ARHGEF26: variants seen among roughly 807,000 people sequenced by gnomAD.
The protein encoded by ARHGEF26 is Rho guanine nucleotide exchange factor 26.
In ARHGEF26, 59 loss-of-function variants were observed where a neutral mutation model predicts 89.4. That is an observed-to-expected ratio of 0.66 (90% CI 0.54 to 0.82). The LOEUF (loss-of-function observed/expected upper bound fraction) is 0.82. ARHGEF26 is among the 40% of genes least tolerant of loss of function. The pLI is 0.00. For missense variants in ARHGEF26, 1,234 were observed against 1,085.6 expected, an observed-to-expected ratio of 1.14 and a Z score of -1.92; for synonymous variants, 500 against 428.4, an observed-to-expected ratio of 1.17 and a Z score of -2.06.
rs1474721087 is a variant in ARHGEF26 at position 154,256,548 on chromosome 3, T to TAAAAAAA, written c.*1096_*1102dup. On this transcript the variant is annotated 3_prime_UTR_variant, in exon 15 of 15. Transcript: ENST00000465093. ...GTGCCCAGCCTACTTTCTAATTAAT[T>TAAAAAAA]AAAAAAAAAAAAAAAAAAAAAAAAA... 4.3e-5 allele frequency: 28 copies of TAAAAAAA among 651,758 alleles called. No individual in the cohort carries two copies. Among genetic ancestry groups the TAAAAAAA allele is most frequent in the Middle Eastern group, 8.3e-4 (1 of 1,208 alleles). The allele number at this position is 651,758 out of a possible 1,614,324, so 40.4% of individuals were successfully genotyped here. A position where few individuals can be genotyped will look rare whatever the true frequency, so the allele number is the denominator to read the frequency against.
chr3:154,245,544 C>T (rs1028211495), intron 12 of ARHGEF26, among the ~76,000 whole-genome samples: 1 of 152,138 alleles, frequency 6.6e-6, no homozygotes, highest in Non-Finnish European at 1.5e-5. Context: ...GGCCAGATGG[C>T]TCCTCTTAGG....
At chr3:154,184,082 C>T (rs1194211967) in intron 6 of ARHGEF26, among the ~76,000 whole-genome samples, 1 of 151,854 alleles carries the variant, frequency 6.6e-6, no homozygotes, top group East Asian at 1.9e-4. Context: ...ACGCCATTCT[C>T]CTGCCGCAGC....
intron 4 of ARHGEF26, among the ~76,000 whole-genome samples, chr3:154,130,147 A>ATTTTTTTTTTTTTTTTTTT (rs55816788): frequency 9.4e-6 from 1 of 105,970 alleles, no homozygotes; most frequent in African/African-American, 4.0e-5. Flanking sequence ...TTCCTTGGAA[A>ATTTTTTTTTTTTTTTTTTT]TTTTTTTTTT....
intron 4 of ARHGEF26, among the ~76,000 whole-genome samples, chr3:154,136,390 G>A (rs1719010913): frequency 6.6e-6 from 1 of 152,076 alleles, no homozygotes; most frequent in South Asian, 2.1e-4. Context: ...CTAGAATTCA[G>A]ACCTCAGTCT....
intron 6 of ARHGEF26, among the ~76,000 whole-genome samples, chr3:154,155,509 A>G (rs1720284624): frequency 6.6e-6 from 1 of 152,134 alleles, no homozygotes; most frequent in African/African-American, 2.4e-5. Context: ...TTATCTGAAA[A>G]AGTTAATACA....
chr3:154,226,897 G>A (rs1716529966), intron 11 of ARHGEF26, among the ~76,000 whole-genome samples: 1 of 152,086 alleles, frequency 6.6e-6, no homozygotes, highest in Admixed American at 6.5e-5. Flanking sequence ...GTGGTCCTGG[G>A]GTGCAATTTA....
rs1480861991 is a variant in ARHGEF26 at position 154,122,960 on chromosome 3, G to T, written c.968G>T (p.Ser323Ile). ...RSTSYRRAVV[S>I]GFDFDSPTSS... is the part of the protein sequence containing the mutation. ...ACGTCTTATCGCAGGGCAGTGGTCAGTGGCTTTGATTTTGACAGTCCTACC... is the reference window on the plus strand; with the variant it reads ...ACGTCTTATCGCAGGGCAGTGGTCATTGGCTTTGATTTTGACAGTCCTACC... Residue 323 changes from serine (S) to isoleucine (I), a missense_variant, in exon 2 of 15, where the codon AGT becomes ATT. Transcript: ENST00000465093. 1 of 1,613,692 alleles carries T rather than the reference G, an allele frequency of 6.2e-7. No homozygotes were observed. The highest frequency in any genetic ancestry group is 8.5e-7 in the Non-Finnish European group (1 of 1,179,854).
chr3:154,180,077 G>A (rs1236828373), intron 6 of ARHGEF26, among the ~76,000 whole-genome samples: 1 of 152,054 alleles, frequency 6.6e-6, no homozygotes, highest in Non-Finnish European at 1.5e-5. Context: ...AGCCTACTGT[G>A]TACCATCTTC....
intron 3 of ARHGEF26, 36 bp from the exon 4 acceptor site, chr3:154,129,537 GA>G: frequency 6.3e-7 from 1 of 1,594,774 alleles, no homozygotes; most frequent in Non-Finnish European, 8.5e-7. Context: ...TAATGATTGA[GA>G]ACAATTAGTG....
chr3:154,240,550 A>G lies in ARHGEF26; in HGVS notation c.2271A>G (p.Lys757=). Residue 757 remains lysine (K), a synonymous_variant, in exon 12 of 15, where the codon AAA becomes AAG. Transcript: ENST00000465093. ...TCCTTAGTAACCACGCGAATGAGAA[A>G]GTGGAGATGCTACTAGGAGCTGAGA... is the stretch of plus-strand genomic sequence containing the variant. The part of the protein sequence containing the change: ...LTVLSNHANE[K]VEMLLGAETQ... 6.2e-7 allele frequency: 1 copy of G among 1,612,332 alleles called. No homozygotes were observed. Among genetic ancestry groups the G allele is most frequent in the Non-Finnish European group, 8.5e-7 (1 of 1,179,124 alleles).
At chr3:154,218,806 C>T (rs1023898828) in intron 10 of ARHGEF26, among the ~76,000 whole-genome samples, 1 of 152,150 alleles carries the variant, frequency 6.6e-6, no homozygotes, top group African/African-American at 2.4e-5. Context: ...TTGAGGATCA[C>T]TGATATAGTC....
At chr3:154,142,868 T>G (rs147785629) in intron 4 of ARHGEF26, among the ~76,000 whole-genome samples, 144 of 152,350 alleles carry the variant, frequency 9.5e-4, no homozygotes, top group African/African-American at 3.2e-3. Flanking sequence ...TCACTCATTT[T>G]CAGCACTGCC....
At chr3:154,186,921 G>T (rs1437956903) in intron 6 of ARHGEF26, among the ~76,000 whole-genome samples, 1 of 95,820 alleles carries the variant, frequency 1.0e-5, no homozygotes, top group East Asian at 2.5e-4. Context: ...TTTTGAGACG[G>T]AGTCTCTGTC....
At chr3:154,185,104 G>A (rs1341257687) in intron 6 of ARHGEF26, among the ~76,000 whole-genome samples, 1 of 152,106 alleles carries the variant, frequency 6.6e-6, no homozygotes, top group Non-Finnish European at 1.5e-5. Context: ...GCCCTCTGGA[G>A]TTTTCTTTGT....
chr3:154,211,637 A>G (rs1253140563), intron 9 of ARHGEF26, among the ~76,000 whole-genome samples: 1 of 152,158 alleles, frequency 6.6e-6, no homozygotes, highest in African/African-American at 2.4e-5. Flanking sequence ...GTTCTTATGA[A>G]GGTGTTTTCT....
At chr3:154,197,679 T>A (rs77432015) in intron 9 of ARHGEF26, among the ~76,000 whole-genome samples, 1,634 of 152,270 alleles carry the variant, frequency 0.011, 25 homozygotes, top group African/African-American at 0.037. Flanking sequence ...ATTTCTTTAA[T>A]TTAGGGCCTT....
chr3:154,121,743 T>C (rs1046473553), intron 1 of ARHGEF26, among the ~76,000 whole-genome samples, 199 bp from the exon 2 acceptor site: 2 of 152,104 alleles, frequency 1.3e-5, no homozygotes. Flanking sequence ...ATTGGATTAA[T>C]CCGCCTGGGC....
In ARHGEF26 at chr3:154,130,147, A is replaced by ATTTTTTTTTTTTTT. The variant is rs55816788; in HGVS notation, c.1269+432_1269+445dup. 1.3e-4 allele frequency among the ~76,000 whole-genome samples: 14 copies of ATTTTTTTTTTTTTT among 105,934 alleles called. 1 individual carries two copies. Among genetic ancestry groups the ATTTTTTTTTTTTTT allele is most frequent in the East Asian group, 3.1e-4 (1 of 3,272 alleles). The allele number at this position is 105,934 out of a possible 152,430, so 69.5% of individuals were successfully genotyped here. On this transcript the variant is annotated intron_variant, in intron 4 of 14. Transcript: ENST00000465093. ...AGCTAGTTACAATTCTTCCTTGGAA[A>ATTTTTTTTTTTTTT]TTTTTTTTTTTTTTTTTGAGATGAG...
chr3:154,223,509 GCACAGAAAGGAATAAAGTTCTTA>G (rs1350050976), intron 10 of ARHGEF26, among the ~76,000 whole-genome samples: 2 of 152,164 alleles, frequency 1.3e-5, no homozygotes, highest in African/African-American at 4.8e-5. Flanking sequence ...AAATATTTAG[GCACAGAAAGGAATAAAGTTCTTA>G]TACATGCCTT....
Sources: allele counts gnomAD v4.1 joint callset (sites outside exome capture counted in the v4.1 genomes callset), GRCh38; gene constraint gnomAD v4.1.1; transcripts MANE v1.5; gene names NCBI Gene and HGNC (gene_info 2026-07-23, HGNC 2026-07-21).